Variants in TINAG observed in about 807,000 individuals in gnomAD.
TINAG encodes the protein tubulointerstitial nephritis antigen.
TINAG carries 83 observed loss-of-function variants against 72.7 expected under a neutral mutation model. The ratio of observed to expected loss-of-function variants is 1.14; its 90% CI spans 0.96 to 1.37. The LOEUF (loss-of-function observed/expected upper bound fraction) is 1.37, where lower values mean the gene tolerates loss of function less well. Ranked by LOEUF, TINAG falls within the 40% of genes most tolerant of loss-of-function variation. The pLI is 0.00. For missense variants in TINAG, 685 were observed against 576.6 expected, an observed-to-expected ratio of 1.19 and a Z score of -1.93; for synonymous variants, 234 against 189.9, an observed-to-expected ratio of 1.23 and a Z score of -1.91.
chr6:54,310,477 CCTCT>C lies in TINAG; in HGVS notation c.355+1575_355+1578del, dbSNP rs1491084184. The stretch of plus-strand genomic sequence containing the variant: ...TCTCTCTCTCCCTCCTTTCTCCCTC[CCTCT>C]CTTTCTTTCTTTTCTTCTTTCTTTC... On this transcript the variant is annotated intron_variant, in intron 1 of 10. Coordinates refer to ENST00000259782, the MANE Select transcript of TINAG (RefSeq NM_014464.4). Among the ~76,000 whole-genome samples, 8 of 121,206 alleles carry C rather than the reference CCTCT, an allele frequency of 6.6e-5. No individual in the cohort carries two copies. In the South Asian group the frequency reaches 8.8e-4, roughly 13 times the overall value. The allele number at this position is 121,206 out of a possible 152,430, so 79.5% of individuals were successfully genotyped here. A position where few individuals can be genotyped will look rare whatever the true frequency, so the allele number is the denominator to read the frequency against.
At chr6:54,353,982 T>G (rs575438110) in intron 8 of TINAG, among the ~76,000 whole-genome samples, 1 of 151,998 alleles carries the variant, frequency 6.6e-6, no homozygotes, top group South Asian at 2.1e-4. Flanking sequence ...TGTACAACAT[T>G]GCTTATCTCT....
At chr6:54,353,035 A>C (rs954118326) in intron 8 of TINAG, among the ~76,000 whole-genome samples, 1 of 151,786 alleles carries the variant, frequency 6.6e-6, no homozygotes, top group African/African-American at 2.4e-5. Flanking sequence ...CTGTATAATG[A>C]GTTTGCTGCA....
intron 10 of TINAG, among the ~76,000 whole-genome samples, chr6:54,383,908 G>A (rs936760898): frequency 6.6e-6 from 1 of 152,010 alleles, no homozygotes; most frequent in Non-Finnish European, 1.5e-5. Flanking sequence ...GCACACACAT[G>A]TTTATTGCAG....
chr6:54,375,496 T>G (rs1411226717), intron 9 of TINAG, among the ~76,000 whole-genome samples: 1 of 152,166 alleles, frequency 6.6e-6, no homozygotes. Flanking sequence ...TACCTATTCA[T>G]TCAACTTTGA....
chr6:54,367,074 T>C (rs1027512648), intron 9 of TINAG: 2 of 151,798 alleles, frequency 1.3e-5, no homozygotes, highest in Non-Finnish European at 2.9e-5. Context: ...ATTGTTTCTA[T>C]ATTAACTTAC....
intron 9 of TINAG, among the ~76,000 whole-genome samples, chr6:54,363,585 G>C (rs1275643604): frequency 6.9e-6 from 1 of 145,316 alleles, no homozygotes; most frequent in East Asian, 2.1e-4. Context: ...ATAGTTTAGA[G>C]ATGTTTTTGA....
rs1469456600 is a variant in TINAG, at chr6:54,326,799, C to T, written c.510-3C>T. 1.3e-6 allele frequency: 2 copies of T among 1,595,856 alleles called. No individual in the cohort carries two copies. The highest frequency in any genetic ancestry group is 1.7e-6 in the Non-Finnish European group (2 of 1,173,002). On this transcript the variant is annotated splice_region_variant and splice_polypyrimidine_tract_variant and intron_variant, in intron 3 of 10. Transcript: ENST00000259782. Reference sequence around the variant, plus strand: ...CTATATTTTTCTCTCATTTGTAAGGCAGATGGACAGCACAGAATTACAGCC... The same window carrying T: ...CTATATTTTTCTCTCATTTGTAAGGTAGATGGACAGCACAGAATTACAGCC...
At chr6:54,320,945 G>T (rs1336994718) in intron 2 of TINAG, among the ~76,000 whole-genome samples, 1 of 152,102 alleles carries the variant, frequency 6.6e-6, no homozygotes, top group African/African-American at 2.4e-5. Flanking sequence ...AAGGCAAATT[G>T]TGTTTTTTGA....
intron 1 of TINAG, among the ~76,000 whole-genome samples, chr6:54,309,550 A>C (rs766611411): frequency 1.3e-5 from 2 of 152,190 alleles, no homozygotes; most frequent in Non-Finnish European, 2.9e-5. Flanking sequence ...AAAAAGTCTA[A>C]GGTTAAATGG....
chr6:54,374,335 A>C (rs1763718426), intron 9 of TINAG, among the ~76,000 whole-genome samples: 1 of 152,124 alleles, frequency 6.6e-6, no homozygotes, highest in Non-Finnish European at 1.5e-5. Context: ...GAACATATCG[A>C]TAAAAGTACC....
chr6:54,378,317 G>A (rs1763844252), intron 9 of TINAG, among the ~76,000 whole-genome samples: 1 of 152,108 alleles, frequency 6.6e-6, no homozygotes, highest in Non-Finnish European at 1.5e-5. Flanking sequence ...TCTAGTCAAT[G>A]ACTTGGATAA....
rs1394901995 is a variant in TINAG at position 54,383,004 on chromosome 6, GAT to G, written c.1296+2434_1296+2435del. ...AGATGATGGGCTGCATTTCTTTTGA[GAT>G]GTAAATACCAAAGGATATAATGTCC... On this transcript the variant is annotated intron_variant, in intron 10 of 10. Transcript: ENST00000259782. 3.3e-5 allele frequency among the ~76,000 whole-genome samples: 5 copies of G among 152,220 alleles called. No individual in the cohort carries two copies. In the South Asian group the frequency reaches 1.0e-3, roughly 32 times the overall value.
chr6:54,372,467 A>T (rs1763648727), intron 9 of TINAG, among the ~76,000 whole-genome samples: 1 of 152,044 alleles, frequency 6.6e-6, no homozygotes, highest in Non-Finnish European at 1.5e-5. Context: ...CAAATATAAT[A>T]GAATTCACAT....
chr6:54,317,474 C>T (rs1347364092), intron 1 of TINAG, among the ~76,000 whole-genome samples: 1 of 152,022 alleles, frequency 6.6e-6, no homozygotes, highest in African/African-American at 2.4e-5. Flanking sequence ...GGGAGTTGCC[C>T]TGTACAAGCT....
chr6:54,362,619 G>A (rs918448634), intron 9 of TINAG, among the ~76,000 whole-genome samples: 1 of 151,582 alleles, frequency 6.6e-6, no homozygotes, highest in African/African-American at 2.4e-5. Flanking sequence ...TGGAACAAGA[G>A]GTAATTTCTA....
At position 54,330,999 on chromosome 6, in the gene TINAG, C is replaced by T. The variant is rs115960411; in HGVS notation, c.624+4083C>T. The stretch of plus-strand genomic sequence containing the variant: ...CCAACCAAAAAAGTCTAGGACCAGA[C>T]GAATTCATAGCCAAATTATTCCAGA... On this transcript the variant is annotated intron_variant, in intron 4 of 10. Coordinates refer to ENST00000259782, the MANE Select transcript of TINAG (RefSeq NM_014464.4). Among the ~76,000 whole-genome samples, 300 of 152,074 alleles carry T rather than the reference C, an allele frequency of 2.0e-3. 2 individuals are homozygous for T. Among genetic ancestry groups the T allele is most frequent in the African/African-American group, 6.7e-3 (277 of 41,506 alleles).
chr6:54,349,802 G>T lies in TINAG; in HGVS notation c.986G>T (p.Arg329Leu), dbSNP rs371322270. The change falls in exon 7 of 11, where the codon CGA becomes CTA. Residue 329 changes from arginine (R) to leucine (L), a missense_variant. By Grantham distance (102) the Arg-to-Leu change is moderately radical. Transcript: ENST00000259782. ...GCCATGGCAAGCAGGTCTGATGGGC[G>T]AGGAAAACGGCATGCCACGAAGCCA... ...GCAMASRSDG[R>L]GKRHATKPCP... 6.2e-7 allele frequency: 1 copy of T among 1,609,540 alleles called. No homozygotes were observed. The highest frequency in any genetic ancestry group is 8.5e-7 in the Non-Finnish European group (1 of 1,177,248).
rs147043312 is a variant in TINAG at position 54,363,493 on chromosome 6, G to A, written c.1250+8857G>A. Among the ~76,000 whole-genome samples the A allele has an allele frequency of 1.9e-3, 290 of 151,288 alleles. 1 individual carries two copies. The highest frequency in any genetic ancestry group is 6.8e-3 in the African/African-American group (280 of 41,370). On this transcript the variant is annotated intron_variant, in intron 9 of 10. Coordinates refer to ENST00000259782, the MANE Select transcript of TINAG (RefSeq NM_014464.4). ...TGTAATGGGGCATGGTGAAGGAGAA[G>A]TCAAGAGTGATCCACCTTTAGAATT...
At chr6:54,369,494 T>A (rs1422697702) in intron 9 of TINAG, among the ~76,000 whole-genome samples, 1 of 151,898 alleles carries the variant, frequency 6.6e-6, no homozygotes. Flanking sequence ...CTTAAAAATA[T>A]AATCCAGGAG....
Sources: gnomAD v4.1 joint callset for allele counts (sites outside exome capture counted in the v4.1 genomes callset) on GRCh38, gnomAD v4.1.1 for gene constraint, MANE v1.5 for transcripts, NCBI Gene and HGNC (gene_info 2026-07-23, HGNC 2026-07-21) for gene names.